Variants in PCBP3 observed in about 807,000 individuals in gnomAD.
PCBP3 encodes the protein poly(rC) binding protein 3.
PCBP3 carries 25 observed loss-of-function variants against 52.7 expected under a neutral mutation model. That is an observed-to-expected ratio of 0.47 (90% CI 0.35 to 0.66). The LOEUF (loss-of-function observed/expected upper bound fraction) is 0.66. Ranked by LOEUF, PCBP3 falls within the 30% of genes least tolerant of loss-of-function variation. PCBP3 has a pLI of 0.01. For missense variants in PCBP3, 391 were observed against 490.3 expected (o/e 0.80, Z 1.91); for synonymous variants, 162 against 183.0 (o/e 0.89, Z 0.93).
intron 1 of PCBP3, among the ~76,000 whole-genome samples, chr21:45,651,702 T>C (rs1443207244): frequency 6.6e-6 from 1 of 152,226 alleles, no homozygotes; most frequent in Non-Finnish European, 1.5e-5. Flanking sequence ...AAAAATATCC[T>C]ATACAAAAAT....
intron 4 of PCBP3, among the ~76,000 whole-genome samples, chr21:45,793,285 G>A (rs980862295): frequency 6.6e-5 from 10 of 152,096 alleles, no homozygotes; most frequent in South Asian, 2.1e-4. Context: ...GCATAGCCAC[G>A]GACTATTGAG....
chr21:45,661,956 T>G lies in PCBP3; in HGVS notation c.-278-6918T>G, dbSNP rs140488955. The stretch of plus-strand genomic sequence containing the variant: ...TGTATATCTTTTGAAAAATGCCTGT[T>G]CATGTTTGCTTACTTTTAATGGGGT... On this transcript the variant is annotated intron_variant, in intron 1 of 17. Transcript: ENST00000681687. 2.9e-3 allele frequency among the ~76,000 whole-genome samples: 447 copies of G among 152,336 alleles called. 4 individuals are homozygous for G. The highest frequency in any genetic ancestry group is 0.01 in the African/African-American group (429 of 41,582).
rs1396765773 is a variant in PCBP3 at position 45,791,190 on chromosome 21, G to C, written c.-126+35738G>C. ...CGTCAGCCCAGCGTGGGAAGGGGGA[G>C]TTTTGAAGACAGGAATCGGTATGAG... On this transcript the variant is annotated intron_variant, in intron 4 of 17. Coordinates refer to ENST00000681687, the MANE Select transcript of PCBP3 (RefSeq NM_001384156.1). This position sits in a 1 kb window ranked among gnomAD's most constrained non-coding sequence, Gnocchi z 4.2. Among the ~76,000 whole-genome samples the C allele has an allele frequency of 6.6e-6, 1 of 152,216 alleles. No homozygotes were observed. Among genetic ancestry groups the C allele is most frequent in the Non-Finnish European group, 1.5e-5 (1 of 68,038 alleles).
intron 13 of PCBP3, among the ~76,000 whole-genome samples, chr21:45,924,480 T>C (rs372523727): frequency 9.2e-3 from 317 of 34,386 alleles, no homozygotes; most frequent in East Asian, 0.03. Flanking sequence ...CGGGTGTGCG[T>C]GAGGAGATGC....
chr21:45,875,269 T>C (rs529728735), intron 5 of PCBP3, among the ~76,000 whole-genome samples: 9 of 151,210 alleles, frequency 6.0e-5, no homozygotes, highest in African/African-American at 2.2e-4. Context: ...GCTGACTCAC[T>C]GGGGCTGGGG....
intron 4 of PCBP3, chr21:45,762,377 G>A (rs11911348): frequency 0.22 from 32,766 of 152,274 alleles, 3,721 homozygotes; most frequent in African/African-American, 0.26. Context: ...TCCCAGTCTC[G>A]GGTGTTACAC....
At chr21:45,912,155 C>A (rs1252556306) in intron 11 of PCBP3, among the ~76,000 whole-genome samples, 1 of 152,236 alleles carries the variant, frequency 6.6e-6, no homozygotes, top group Non-Finnish European at 1.5e-5. Context: ...GATGCAGGTG[C>A]ACCCGCTGCC....
At chr21:45,889,163 G>A (rs927851495) in intron 5 of PCBP3, among the ~76,000 whole-genome samples, 2 of 152,240 alleles carry the variant, frequency 1.3e-5, no homozygotes, top group Non-Finnish European at 1.5e-5. Context: ...AGAGCGATGT[G>A]TGTGGGAGTG....
Position 45,689,405 on chromosome 21 carries a change from A to T in PCBP3, c.-200+20453A>T, listed in dbSNP as rs1603265685. ...TCAACACACATTGATGATAAAAAAA[A>T]TTTTAGGAAACAAAAAAAGGGAACT... is the stretch of plus-strand genomic sequence containing the variant. On this transcript the variant is annotated intron_variant, in intron 2 of 17. Coordinates refer to ENST00000681687, the MANE Select transcript of PCBP3 (RefSeq NM_001384156.1). Among the ~76,000 whole-genome samples the T allele has an allele frequency of 3.3e-5, 5 of 151,738 alleles. 1 individual carries two copies. The South Asian group carries it at 8.4e-4, about 25-fold the overall frequency.
chr21:45,801,274 G>A (rs987876177), intron 4 of PCBP3, among the ~76,000 whole-genome samples: 2 of 152,196 alleles, frequency 1.3e-5, no homozygotes, highest in African/African-American at 4.8e-5. Flanking sequence ...TGCCTTAGCT[G>A]CTCCTCTGTC....
At chr21:45,898,891 T>C (rs762257) in intron 6 of PCBP3, among the ~76,000 whole-genome samples, 226 of 12,898 alleles carry the variant, frequency 0.018, no homozygotes, top group African/African-American at 0.031. Context: ...CTCACAGCCT[T>C]CCTCTTTTTC....
At chr21:45,909,904 C>CCCCCCCACCCACTGCCCAGATA (rs2096315116) in intron 10 of PCBP3, among the ~76,000 whole-genome samples, 1 of 112,468 alleles carries the variant, frequency 8.9e-6, no homozygotes, top group Non-Finnish European at 1.8e-5. Flanking sequence ...AGATACAGAC[C>CCCCCCCACCCACTGCCCAGATA]CGGCCCACCC....
chr21:45,695,809 G>A (rs563052160), intron 2 of PCBP3, among the ~76,000 whole-genome samples: 8 of 152,162 alleles, frequency 5.3e-5, no homozygotes, highest in Admixed American at 1.3e-4. Flanking sequence ...AGCCAGGTGC[G>A]TTGGCTCACG....
At chr21:45,862,282 G>T (rs67878041) in intron 5 of PCBP3, among the ~76,000 whole-genome samples, 21,398 of 152,054 alleles carry the variant, frequency 0.14, 1,671 homozygotes, top group Middle Eastern at 0.28. Context: ...AGTCACTGCA[G>T]ATTTTTATGC....
chr21:45,890,772 G>A (rs1443351447), intron 5 of PCBP3, among the ~76,000 whole-genome samples: 1 of 151,518 alleles, frequency 6.6e-6, no homozygotes, highest in Non-Finnish European at 1.5e-5. Context: ...CATTACTGAT[G>A]GGAATGTAGA....
chr21:45,723,161 A>C (rs1046579035), intron 2 of PCBP3, among the ~76,000 whole-genome samples: 3 of 152,214 alleles, frequency 2.0e-5, no homozygotes, highest in Non-Finnish European at 4.4e-5. Context: ...CTTTCTGCAC[A>C]GAGAGCTGGC....
At chr21:45,757,529 G>A (rs143151141) in intron 4 of PCBP3, among the ~76,000 whole-genome samples, 5 of 152,102 alleles carry the variant, frequency 3.3e-5, no homozygotes, top group Non-Finnish European at 4.4e-5. Context: ...TTTAATTTCA[G>A]TGAAGTTCAC....
chr21:45,734,296 C>A (rs901066703), intron 2 of PCBP3, among the ~76,000 whole-genome samples: 1 of 152,182 alleles, frequency 6.6e-6, no homozygotes, highest in Non-Finnish European at 1.5e-5. Flanking sequence ...TGTACTTTTT[C>A]TTTTCATTGG....
intron 4 of PCBP3, among the ~76,000 whole-genome samples, chr21:45,845,473 ATG>A (rs1336924843): frequency 6.3e-5 from 9 of 141,954 alleles, no homozygotes; most frequent in South Asian, 2.2e-4. Flanking sequence ...TCACCTGTGT[ATG>A]TGTGTGTGTG....
Sources: allele counts gnomAD v4.1 joint callset (sites outside exome capture counted in the v4.1 genomes callset), GRCh38; gene constraint gnomAD v4.1.1; non-coding constraint Gnocchi (gnomAD v3.1); transcripts MANE v1.5; gene names NCBI Gene and HGNC (gene_info 2026-07-23, HGNC 2026-07-21).